The following BRCA1 variants were observed in gnomAD, a reference collection of about 807,000 sequenced individuals.
BRCA1 encodes the protein breast cancer type 1 susceptibility protein.
BRCA1 carries 140 observed loss-of-function variants against 173.7 expected under a neutral mutation model. The observed-to-expected ratio is 0.81, with a 90% CI of 0.70 to 0.93. The LOEUF (loss-of-function observed/expected upper bound fraction) is 0.93, where lower values mean the gene tolerates loss of function less well. Ranked by LOEUF, BRCA1 falls within the 40% of genes least tolerant of loss-of-function variation. The pLI, the probability that BRCA1 is intolerant of heterozygous loss-of-function variation, is 0.00. For missense variants in BRCA1, 1,983 were observed against 2,172.5 expected (o/e 0.91, Z 1.73); for synonymous variants, 662 against 756.0 (o/e 0.88, Z 2.04).
chr17:43,101,478 AGCCACTGCGCCC>A (rs2054472558), intron 6 of BRCA1, among the ~76,000 whole-genome samples: 5 of 151,768 alleles, frequency 3.3e-5, no homozygotes, highest in African/African-American at 1.2e-4. Context: ...TACAGGCAAG[AGCCACTGCGCCC>A]AGCTAGAACA....
chr17:43,161,653 T>C (rs559702560), intron 1 of BRCA1: 2 of 152,328 alleles, frequency 1.3e-5, no homozygotes, highest in East Asian at 3.9e-4. Flanking sequence ...CACCATGTAG[T>C]CTTCCTACAG....
At chr17:43,137,915 G>A (rs970414018) in intron 1 of BRCA1, among the ~76,000 whole-genome samples, 6 of 152,084 alleles carry the variant, frequency 3.9e-5, no homozygotes, top group South Asian at 4.2e-4. Flanking sequence ...GGCCGGGCGC[G>A]GTGTCTCGCA....
rs747172803 is a variant in BRCA1, at chr17:43,094,653, G to C, written c.878C>G (p.Thr293Ser). The stretch of plus-strand genomic sequence containing the variant: ...CTTTTCTACATTCATTCTGTCTTTA[G>C]TGAGTAATAAACTGCTGTTCTCATG... Reference protein sequence around the residue: ...LQHENSSLLLTKDRMNVEKAE... With the variant: ...LQHENSSLLLSKDRMNVEKAE... Residue 293 changes from threonine (T) to serine (S), a missense_variant, in exon 10 of 23, where the codon ACT becomes AGT. By Grantham distance (58) the Thr-to-Ser change is moderately conservative (BLOSUM62 1). Transcript: ENST00000357654. 1.2e-5 allele frequency: 20 copies of C among 1,613,932 alleles called. 1 individual carries two copies. In the South Asian group the frequency reaches 2.1e-4, roughly 17 times the overall value.
Position 43,051,118 on chromosome 17 carries a change from C to T in BRCA1, c.5278-1G>A, listed in dbSNP as rs80358099. On this transcript the variant is annotated splice_acceptor_variant, in intron 19 of 22. Coordinates refer to ENST00000357654, the MANE Select transcript of BRCA1 (RefSeq NM_007294.4). LOFTEE classifies it high-confidence loss of function. ...AACAGATTTCTAGCCCCCTGAAGAT[C>T]TGGAAGAAGAGAGGAAGAGAGAGGG... 1 of 1,613,600 alleles carries T rather than the reference C, an allele frequency of 6.2e-7. No homozygotes were observed. The highest frequency in any genetic ancestry group is 1.1e-5 in the South Asian group (1 of 91,064).
intron 19 of BRCA1, among the ~76,000 whole-genome samples, chr17:43,053,975 A>G (rs2051356932): frequency 1.3e-5 from 2 of 152,206 alleles, no homozygotes; most frequent in Non-Finnish European, 2.9e-5. Context: ...GTCTTAAAAA[A>G]AAAAAAAAAG....
intron 14 of BRCA1, among the ~76,000 whole-genome samples, chr17:43,071,761 T>A (rs940732898): frequency 6.6e-6 from 1 of 151,948 alleles, no homozygotes; most frequent in African/African-American, 2.4e-5. Context: ...CCCAGCACTT[T>A]GGGAGGCCGA....
chr17:43,151,110 A>G (rs193214524), intron 1 of BRCA1, among the ~76,000 whole-genome samples: 191 of 152,306 alleles, frequency 1.3e-3, no homozygotes, highest in Admixed American at 4.0e-3. Flanking sequence ...GGACAGTGAA[A>G]TTCGGGTATA....
chr17:43,045,931 T>C, intron 22 of BRCA1, 129 bp from the exon 23 acceptor site: 1 of 1,308,370 alleles, frequency 7.6e-7, no homozygotes, highest in Non-Finnish European at 1.0e-6. Context: ...AATTTTTTTT[T>C]TTTTTTTTTG....
intron 2 of BRCA1, among the ~76,000 whole-genome samples, chr17:43,118,016 T>G (rs1200681781): frequency 6.6e-6 from 1 of 151,680 alleles, no homozygotes; most frequent in Non-Finnish European, 1.5e-5. Context: ...AATAAGTGCA[T>G]TAAAGAGAAA....
chr17:43,106,478 A>C lies in BRCA1; in HGVS notation c.190T>G (p.Cys64Gly), dbSNP rs80357064. The C allele has an allele frequency of 1.9e-6, 3 of 1,602,342 alleles. No individual in the cohort carries two copies. The African/African-American group carries it at 4.0e-5, about 21-fold the overall frequency. The change falls in exon 4 of 23, where the codon TGT becomes GGT. Residue 64 changes from cysteine (C) to glycine (G), a missense_variant. Cys to Gly is a radical substitution (Grantham distance 159). Coordinates refer to ENST00000357654, the MANE Select transcript of BRCA1 (RefSeq NM_007294.4). ...TACCTTTTGGTTATATCATTCTTAC[A>C]TAAAGGACACTGTGAAGGCCCTTTC... is the stretch of plus-strand genomic sequence containing the variant. Reference protein sequence around the residue: ...QKKGPSQCPLCKNDITKRSLQ... With the variant: ...QKKGPSQCPLGKNDITKRSLQ...
upstream of BRCA1, among the ~76,000 whole-genome samples, chr17:43,128,981 A>G (rs2055941216): frequency 6.6e-6 from 1 of 152,042 alleles, no homozygotes; most frequent in Non-Finnish European, 1.5e-5. Context: ...CTTGGCTTGT[A>G]CAGGCCTCTG....
chr17:43,124,112 T>A lies in BRCA1; in HGVS notation c.-16A>T, dbSNP rs777262055. 1 of 1,595,492 alleles carries A rather than the reference T, an allele frequency of 6.3e-7. No individual in the cohort carries two copies. The highest frequency in any genetic ancestry group is 1.1e-5 in the South Asian group (1 of 90,682). ...ATAAATCCATTTCTTTCTGTTCCAA[T>A]GAACTTTAACACATTAGAAAAACAT... is the stretch of plus-strand genomic sequence containing the variant. On this transcript the variant is annotated 5_prime_UTR_variant, in exon 2 of 23. Coordinates refer to ENST00000357654, the MANE Select transcript of BRCA1 (RefSeq NM_007294.4).
chr17:43,077,004 C>T (rs1019421311), intron 12 of BRCA1, among the ~76,000 whole-genome samples: 3 of 151,846 alleles, frequency 2.0e-5, no homozygotes, highest in African/African-American at 4.8e-5. Context: ...GAAAGAGTAC[C>T]GGAGAGCACA....
At chr17:43,054,868 G>A (rs1393458253) in intron 19 of BRCA1, among the ~76,000 whole-genome samples, 1 of 151,334 alleles carries the variant, frequency 6.6e-6, no homozygotes. Context: ...TCAGCCTCCC[G>A]AGTAATCCTG....
chr17:43,120,314 A>G (rs1429413686), intron 2 of BRCA1, among the ~76,000 whole-genome samples: 1 of 152,218 alleles, frequency 6.6e-6, no homozygotes, highest in Non-Finnish European at 1.5e-5. Context: ...TACCTACCCT[A>G]TAGCTACCAC....
intron 3 of BRCA1, among the ~76,000 whole-genome samples, chr17:43,107,711 A>G (rs1057399801): frequency 6.6e-6 from 1 of 152,214 alleles, no homozygotes; most frequent in Non-Finnish European, 1.5e-5. Flanking sequence ...TGTTTTTAAC[A>G]AACAGTGTTG....
At chr17:43,135,935 G>A (rs1162195710) in intron 1 of BRCA1, among the ~76,000 whole-genome samples, 2 of 152,224 alleles carry the variant, frequency 1.3e-5, no homozygotes, top group African/African-American at 2.4e-5. Flanking sequence ...TCCAGCTGAA[G>A]ATGCCAGGGC....
intron 6 of BRCA1, among the ~76,000 whole-genome samples, chr17:43,100,596 T>TATATATAACATATATATATAAC (rs2054364406): frequency 2.0e-5 from 1 of 49,840 alleles, no homozygotes; most frequent in African/African-American, 1.3e-4. Flanking sequence ...ATATATATAT[T>TATATATAACATATATATATAAC]ATATATATAT....
intron 1 of BRCA1, chr17:43,145,030 A>T: frequency 1.3e-6 from 1 of 751,244 alleles, no homozygotes; most frequent in East Asian, 3.1e-5. Flanking sequence ...CGCAATTGTC[A>T]GCTAAACCTC....
Sources: gnomAD v4.1 joint callset for allele counts (sites outside exome capture counted in the v4.1 genomes callset) on GRCh38, gnomAD v4.1.1 for gene constraint, MANE v1.5 for transcripts, NCBI Gene and HGNC (gene_info 2026-07-23, HGNC 2026-07-21) for gene names.